The following BRPF1 variants were observed in gnomAD, a reference collection of about 807,000 sequenced individuals.
BRPF1 encodes the protein bromodomain and PHD finger containing 1.
Under a neutral mutation model 115.0 loss-of-function variants are expected in BRPF1, and 15 were observed. The observed-to-expected ratio is 0.13, with a 90% confidence interval of 0.09 to 0.20. The LOEUF is 0.20. Among genes scored for constraint, BRPF1 ranks in the 10% least tolerant of loss-of-function variants. BRPF1 has a pLI of 1.00. For synonymous variants in BRPF1, 647 were observed against 619.8 expected, an observed-to-expected ratio of 1.04 and a Z score of -0.65; for missense variants, 1,118 against 1,638.3, an observed-to-expected ratio of 0.68 and a Z score of 5.48.
intron 2 of BRPF1, among the ~76,000 whole-genome samples, chr3:9,737,368 T>A (rs987823399): frequency 1.3e-5 from 2 of 152,272 alleles, no homozygotes; most frequent in Non-Finnish European, 2.9e-5. Context: ...GAGTGCTTGC[T>A]GCACACCAGG....
At position 9,743,232 on chromosome 3, in the gene BRPF1, G is replaced by A. The variant is rs768367057; in HGVS notation, c.2290G>A (p.Ala764Thr). ...HIPHSLAGDE[A>T]THHTEDAAEE... ...CCCCCACAGCCTGGCTGGAGATGAG[G>A]CCACACACCACACTGAAGATGGTGG... Residue 764 changes from alanine (A) to threonine (T), a missense_variant, in exon 7 of 14, where the codon GCC becomes ACC. Coordinates refer to ENST00000383829, the MANE Select transcript of BRPF1 (RefSeq NM_001003694.2). This position sits in a 1 kb window ranked among gnomAD's most constrained non-coding sequence, Gnocchi z 6.1. 3 of 1,613,594 alleles carry A rather than the reference G, an allele frequency of 1.9e-6. No homozygotes were observed. The Admixed American group carries it at 5.0e-5, about 27-fold the overall frequency.
At position 9,747,522 on chromosome 3, in the gene BRPF1, A is replaced by G; in HGVS notation, c.*173A>G. On this transcript the variant is annotated 3_prime_UTR_variant, in exon 14 of 14. Coordinates refer to ENST00000383829, the MANE Select transcript of BRPF1 (RefSeq NM_001003694.2). This position sits in a 1 kb window ranked among gnomAD's most constrained non-coding sequence, Gnocchi z 5.6. ...TGCCCTAAGTGCAGCTGGACTGTACAGAACACTCCAAGGGCCAATGGCAGT... is the reference window on the plus strand; with the variant it reads ...TGCCCTAAGTGCAGCTGGACTGTACGGAACACTCCAAGGGCCAATGGCAGT... 1 of 685,722 alleles carries G rather than the reference A, an allele frequency of 1.5e-6. No individual in the cohort carries two copies. Among genetic ancestry groups the G allele is most frequent in the Non-Finnish European group, 2.4e-6 (1 of 420,842 alleles). The allele number at this position is 685,722 out of a possible 1,614,324, so 42.5% of individuals were successfully genotyped here.
chr3:9,746,559 A>G (rs2077130294), intron 13 of BRPF1, 105 bp downstream of exon 13: 2 of 1,340,488 alleles, frequency 1.5e-6, no homozygotes, highest in Admixed American at 2.7e-5. Flanking sequence ...CTGGGCTATC[A>G]CAAGTCAGTG....
In BRPF1 at chr3:9,747,517, T is replaced by C. The variant is rs961735973; in HGVS notation, c.*168T>C. ...CCTCCTGCCCTAAGTGCAGCTGGAC[T>C]GTACAGAACACTCCAAGGGCCAATG... On this transcript the variant is annotated 3_prime_UTR_variant, in exon 14 of 14. Coordinates refer to ENST00000383829, the MANE Select transcript of BRPF1 (RefSeq NM_001003694.2). The surrounding 1 kb of genome is among the most constrained non-coding windows in gnomAD (Gnocchi z 5.6). The C allele has an allele frequency of 1.4e-5, 10 of 702,654 alleles. No individual in the cohort carries two copies. Among genetic ancestry groups the C allele is most frequent in the African/African-American group, 5.4e-5 (3 of 55,948 alleles). The allele number at this position is 702,654 out of a possible 1,614,324, so 43.5% of individuals were successfully genotyped here.
At chr3:9,733,015 T>C (rs1575144198) in intron 1 of BRPF1, among the ~76,000 whole-genome samples, 1 of 152,178 alleles carries the variant, frequency 6.6e-6, no homozygotes, top group Admixed American at 6.5e-5. Context: ...CGGACCAGCA[T>C]GGAGCTGAGC....
At position 9,744,395 on chromosome 3, in the gene BRPF1, C is replaced by A. The variant is rs559517241; in HGVS notation, c.2807C>A (p.Pro936His). ...TPSHGGSPVG[P>H]PQLPIMSSLR... ...AGCCACGGAGGCAGTCCTGTGGGGC[C>A]CCCCCAGCTCCCCATCATGAGTTCC... Residue 936 changes from proline (P) to histidine (H), a missense_variant, in exon 9 of 14, where the codon CCC (proline) becomes CAC (histidine). Pro to His is a moderately conservative substitution (Grantham distance 77). Around this residue, in one of 10 missense-constraint regions of BRPF1, gnomAD observed 92 missense variants for 102.2 expected, o/e 0.90. Transcript: ENST00000383829. The A allele has an allele frequency of 6.2e-6, 10 of 1,610,598 alleles. No homozygotes were observed. Among genetic ancestry groups the A allele is most frequent in the African/African-American group, 5.3e-5 (4 of 74,778 alleles).
At position 9,743,919 on chromosome 3, in the gene BRPF1, A is replaced by C. The variant is rs749684673; in HGVS notation, c.2635+18A>C. ...AAGCAAAGGTCTGAATCCCATGGCAAGGTGGACCCCAAAGCAAGTCAGACT... is the reference window on the plus strand; with the variant it reads ...AAGCAAAGGTCTGAATCCCATGGCACGGTGGACCCCAAAGCAAGTCAGACT... On this transcript the variant is annotated intron_variant, in intron 8 of 13. Transcript: ENST00000383829. The surrounding 1 kb of genome is among the most constrained non-coding windows in gnomAD (Gnocchi z 6.1). 4.5e-6 allele frequency: 7 copies of C among 1,547,218 alleles called. 1 individual carries two copies. The South Asian group carries it at 8.6e-5, about 19-fold the overall frequency.
intron 1 of BRPF1, 148 bp downstream of exon 1, chr3:9,732,286 A>G (rs2076865236): frequency 6.6e-6 from 1 of 152,372 alleles, no homozygotes; most frequent in South Asian, 2.1e-4. Flanking sequence ...CCCAGCAGGC[A>G]TCCTGGGGCA....
At position 9,744,490 on chromosome 3, in the gene BRPF1, A is replaced by G. The variant is rs1425839932; in HGVS notation, c.2902A>G (p.Thr968Ala). 1.9e-6 allele frequency: 3 copies of G among 1,539,368 alleles called. No individual in the cohort carries two copies. Among genetic ancestry groups the G allele is most frequent in the Non-Finnish European group, 2.6e-6 (3 of 1,144,296 alleles). Residue 968 changes from threonine to alanine, a missense_variant, in exon 9 of 14, where the codon ACA (threonine) becomes GCA (alanine). Physicochemically the swap from Thr to Ala is moderately conservative, Grantham distance 58. Transcript: ENST00000383829. Reference sequence around the variant, plus strand: ...CTCAGACAGCGACAGTGATAAGTCCACAGAAGACCCCCCAATGGGTGAGCC... The same window carrying G: ...CTCAGACAGCGACAGTGATAAGTCCGCAGAAGACCCCCCAATGGGTGAGCC... ...SSSDSDSDKS[T>A]EDPPMDLPAN...
At position 9,739,750 on chromosome 3, in the gene BRPF1, G is replaced by A; in HGVS notation, c.1351G>A (p.Gly451Ser). Residue 451 changes from glycine to serine, a missense_variant, in exon 3 of 14, where the codon GGT becomes AGT. Physicochemically the swap from Gly to Ser is moderately conservative, Grantham distance 56 (BLOSUM62 0). This residue lies in a region of BRPF1 where 87 missense variants were observed against 93.4 expected (regional missense o/e 0.93). Transcript: ENST00000383829. Reference protein sequence around the residue: ...TAYCDIHTPPGSARRLPALSH... With the variant: ...TAYCDIHTPPSSARRLPALSH... Reference sequence around the variant, plus strand: ...CTACTGCGACATCCACACGCCTCCAGGTTCAGCACGCCGACTGCCTGCCCT... The same window carrying A: ...CTACTGCGACATCCACACGCCTCCAAGTTCAGCACGCCGACTGCCTGCCCT... The A allele has an allele frequency of 1.9e-6, 3 of 1,614,238 alleles. No homozygotes were observed. Among genetic ancestry groups the A allele is most frequent in the Non-Finnish European group, 2.5e-6 (3 of 1,180,026 alleles).
rs781524631 is a variant in BRPF1, at chr3:9,744,030, C to G, written c.2635+129C>G. 25 of 1,314,918 alleles carry G rather than the reference C, an allele frequency of 1.9e-5. 1 individual carries two copies. In the South Asian group the frequency reaches 3.8e-4, roughly 20 times the overall value. 81.5% of individuals were successfully genotyped at this position (1,314,918 alleles called of 1,614,324 possible). A position where few individuals can be genotyped will look rare whatever the true frequency, so the allele number is the denominator to read the frequency against. On this transcript the variant is annotated intron_variant, in intron 8 of 13. Transcript: ENST00000383829. ...GCTAGCTGTACTTTCTCCCTCATTC[C>G]CCAATCAGGGGCCTCTTAGCTGCCT...
At position 9,732,032 on chromosome 3, in the gene BRPF1, G is replaced by A. The variant is rs1307754808; in HGVS notation, c.-117G>A. On this transcript the variant is annotated 5_prime_UTR_variant, in exon 1 of 14. Transcript: ENST00000383829. ...GGGGTGGCGAGGTCTACGGTCTCCGGAGTTGGGGCTCCCCCTTCCCGGCCC... is the reference window on the plus strand; with the variant it reads ...GGGGTGGCGAGGTCTACGGTCTCCGAAGTTGGGGCTCCCCCTTCCCGGCCC... 1 of 152,320 alleles carries A rather than the reference G, an allele frequency of 6.6e-6. No individual in the cohort carries two copies. The highest frequency in any genetic ancestry group is 1.5e-5 in the Non-Finnish European group (1 of 68,126). The allele number at this position is 152,320 out of a possible 1,614,324, so 9.4% of individuals were successfully genotyped here. A position where few individuals can be genotyped will look rare whatever the true frequency, so the allele number is the denominator to read the frequency against.
intron 1 of BRPF1, among the ~76,000 whole-genome samples, chr3:9,733,696 C>G (rs1041788928): frequency 6.6e-6 from 1 of 152,150 alleles, no homozygotes; most frequent in South Asian, 2.1e-4. Flanking sequence ...CAGGGAATGG[C>G]AAGATCCCCT....
At chr3:9,744,536 A>C in intron 9 of BRPF1, 28 bp downstream of exon 9, 9 of 1,458,098 alleles carry the variant, frequency 6.2e-6, no homozygotes, top group Non-Finnish European at 7.3e-6. Flanking sequence ...CCAGCCCCCC[A>C]AGAGAGTGAG....
rs2076902309 is a variant in BRPF1, at chr3:9,734,263, C to T, written c.123C>T (p.His41=). The T allele has an allele frequency of 6.2e-7, 1 of 1,614,086 alleles. No homozygotes were observed. Among genetic ancestry groups the T allele is most frequent in the Non-Finnish European group, 8.5e-7 (1 of 1,180,016 alleles). The change falls in exon 2 of 14, where the codon CAC becomes CAT. Residue 41 remains histidine, a synonymous_variant. Transcript: ENST00000383829. This position sits in a 1 kb window ranked among gnomAD's most constrained non-coding sequence, Gnocchi z 5.7. ...AGAGTTACAGTGGTATTGAGTACCA[C>T]CTGTACCACTATGACCACGACAACC... ...VYKSYSGIEY[H]LYHYDHDNPP...
chr3:9,742,008 G>C lies in BRPF1; in HGVS notation c.1855-17G>C. On this transcript the variant is annotated splice_polypyrimidine_tract_variant and intron_variant, in intron 5 of 13. Coordinates refer to ENST00000383829, the MANE Select transcript of BRPF1 (RefSeq NM_001003694.2). ...AACTGGCCGAGGCCTGGCTGATCAG[G>C]CCTTTTTCTATGTTAGATCAAGGTT... 4.3e-6 allele frequency: 7 copies of C among 1,613,880 alleles called. No homozygotes were observed. The highest frequency in any genetic ancestry group is 5.9e-6 in the Non-Finnish European group (7 of 1,179,944).
chr3:9,741,615 C>A (rs566735632), intron 5 of BRPF1, among the ~76,000 whole-genome samples, 176 bp downstream of exon 5: 13 of 134,450 alleles, frequency 9.7e-5, no homozygotes, highest in Non-Finnish European at 1.7e-4. Context: ...CCAGCCTGGG[C>A]GACAGAGCGA....
intron 6 of BRPF1, chr3:9,742,616 G>T (rs2077049931): frequency 1.1e-6 from 1 of 925,320 alleles, no homozygotes; most frequent in Non-Finnish European, 1.3e-6. Flanking sequence ...AGGAATGCAA[G>T]GTGGTGTTTA....
Position 9,734,637 on chromosome 3 carries a change from A to T in BRPF1, c.497A>T (p.His166Leu). The T allele has an allele frequency of 6.2e-7, 1 of 1,614,116 alleles. No homozygotes were observed. The highest frequency in any genetic ancestry group is 8.5e-7 in the Non-Finnish European group (1 of 1,180,026). Residue 166 changes from histidine to leucine, a missense_variant, in exon 2 of 14, where the codon CAC (histidine) becomes CTC (leucine). Physicochemically the swap from His to Leu is moderately conservative, Grantham distance 99. This residue lies in a region of BRPF1 where 280 missense variants were observed against 382.8 expected (regional missense o/e 0.73). Coordinates refer to ENST00000383829, the MANE Select transcript of BRPF1 (RefSeq NM_001003694.2). The surrounding 1 kb of genome is among the most constrained non-coding windows in gnomAD (Gnocchi z 5.7). ...KRKDSNHHHH[H>L]NVSASTTPKL... ...AAGGACTCCAACCATCACCACCACC[A>T]CAATGTTTCTGCGAGCACCACTCCC...
Sources: allele counts gnomAD v4.1 joint callset (sites outside exome capture counted in the v4.1 genomes callset), GRCh38; gene constraint gnomAD v4.1.1; regional missense constraint gnomAD v4.1.1; non-coding constraint Gnocchi (gnomAD v3.1); transcripts MANE v1.5; gene names NCBI Gene and HGNC (gene_info 2026-07-23, HGNC 2026-07-21).